Variants in CDK15 observed in about 807,000 individuals in gnomAD.
The protein encoded by CDK15 is cyclin dependent kinase 15.
A neutral mutation model predicts 60.3 loss-of-function variants in CDK15; 62 were observed. That is an observed-to-expected ratio of 1.03 (90% confidence interval 0.84 to 1.27). The LOEUF is 1.27. Among genes scored for constraint, CDK15 ranks in the 50% most tolerant of loss-of-function variants. The pLI is 0.00. For missense variants in CDK15, 541 were observed against 527.8 expected, an observed-to-expected ratio of 1.03 and a Z score of -0.25; for synonymous variants, 194 against 195.7, an observed-to-expected ratio of 0.99 and a Z score of 0.07.
In CDK15 at chr2:201,823,700, A is replaced by G; in HGVS notation, c.579A>G (p.Pro193=). The change falls in exon 6 of 14, where the codon CCA becomes CCG. Residue 193 remains proline (P), a synonymous_variant. Coordinates refer to ENST00000652192, the MANE Select transcript of CDK15 (RefSeq NM_001366386.2). ...TDLAQYMSQH[P]GGLHPHNVRL... ...TGGCCCAGTATATGTCTCAGCATCC[A>G]GGAGGGCTTCATCCTCATAATGTCA... 6.2e-7 allele frequency: 1 copy of G among 1,613,896 alleles called. No homozygotes were observed. The highest frequency in any genetic ancestry group is 8.5e-7 in the Non-Finnish European group (1 of 1,179,886).
Position 201,854,906 on chromosome 2 carries a change from G to C in CDK15, c.978G>C (p.Pro326=). 6.2e-7 allele frequency: 1 copy of C among 1,613,986 alleles called. No individual in the cohort carries two copies. The highest frequency in any genetic ancestry group is 1.1e-5 in the South Asian group (1 of 91,062). The change falls in exon 10 of 14, where the codon CCG becomes CCC. Residue 326 remains proline (P), a synonymous_variant. Transcript: ENST00000652192. ...VLGVPTEDTW[P]GVSKLPNYNP... ...GAGTCCCTACAGAGGATACTTGGCC[G>C]GGAGTCTCCAAGCTACCTAACTACA...
intron 12 of CDK15, among the ~76,000 whole-genome samples, chr2:201,881,383 G>T (rs1699273360): frequency 6.6e-6 from 1 of 152,198 alleles, no homozygotes; most frequent in African/African-American, 2.4e-5. Flanking sequence ...GCCATTAAGT[G>T]TCAAGAACAT....
chr2:201,893,721 ATTTCTGT>A lies in CDK15; in HGVS notation c.*455_*461del, dbSNP rs1244871587. The A allele has an allele frequency of 6.6e-6, 1 of 152,120 alleles. No individual in the cohort carries two copies. Among genetic ancestry groups the A allele is most frequent in the Non-Finnish European group, 1.5e-5 (1 of 68,010 alleles). 9.4% of individuals were successfully genotyped at this position (152,120 alleles called of 1,614,324 possible). A position where few individuals can be genotyped will look rare whatever the true frequency, so the allele number is the denominator to read the frequency against. ...ACTTACAATTTCTCCCAACAAAAGG[ATTTCTGT>A]GGCAAGGAGAAAACTAGCCTAAAGT... is the stretch of plus-strand genomic sequence containing the variant. On this transcript the variant is annotated 3_prime_UTR_variant, in exon 14 of 14. Transcript: ENST00000652192.
chr2:201,872,534 C>T (rs1056690517), intron 11 of CDK15, among the ~76,000 whole-genome samples: 22 of 152,014 alleles, frequency 1.4e-4, no homozygotes, highest in African/African-American at 5.1e-4. Context: ...TGAGTTTGGT[C>T]GTTAAAATTG....
At chr2:201,866,575 T>C (rs1213312634) in intron 10 of CDK15, among the ~76,000 whole-genome samples, 1 of 152,122 alleles carries the variant, frequency 6.6e-6, no homozygotes, top group Non-Finnish European at 1.5e-5. Flanking sequence ...TAGAGAGAAC[T>C]GCAGAGGGAT....
At chr2:201,818,108 C>T (rs972217665) in intron 4 of CDK15, among the ~76,000 whole-genome samples, 2 of 152,160 alleles carry the variant, frequency 1.3e-5, no homozygotes, top group Non-Finnish European at 2.9e-5. Flanking sequence ...TTACAATTGG[C>T]CTGGCTTTCA....
chr2:201,837,517 A>C (rs947368862), intron 8 of CDK15, among the ~76,000 whole-genome samples: 1 of 150,492 alleles, frequency 6.6e-6, no homozygotes, highest in Non-Finnish European at 1.5e-5. Context: ...GAAGGAAAGA[A>C]GGAAAGAATC....
chr2:201,886,601 A>G (rs1699458579), intron 12 of CDK15, among the ~76,000 whole-genome samples: 1 of 152,224 alleles, frequency 6.6e-6, no homozygotes, highest in Non-Finnish European at 1.5e-5. Context: ...CTGGGATTAC[A>G]GGCGTGAGTC....
chr2:201,881,228 G>T (rs575266738), intron 12 of CDK15, among the ~76,000 whole-genome samples: 3 of 152,146 alleles, frequency 2.0e-5, no homozygotes, highest in Non-Finnish European at 4.4e-5. Context: ...AGTCCAAAGC[G>T]CTTAGTTTGG....
intron 4 of CDK15, among the ~76,000 whole-genome samples, chr2:201,817,076 A>G (rs1167080164): frequency 6.6e-6 from 1 of 152,224 alleles, no homozygotes; most frequent in Non-Finnish European, 1.5e-5. Context: ...CTGCTGCTTC[A>G]ATAAAAGCTG....
At chr2:201,843,946 G>A (rs1283821887) in intron 8 of CDK15, among the ~76,000 whole-genome samples, 1 of 151,302 alleles carries the variant, frequency 6.6e-6, no homozygotes, top group Non-Finnish European at 1.5e-5. Flanking sequence ...CCCTACAGCT[G>A]TTAAGTATGA....
At chr2:201,840,929 A>G (rs149916513) in intron 8 of CDK15, among the ~76,000 whole-genome samples, 122 of 152,204 alleles carry the variant, frequency 8.0e-4, no homozygotes, top group African/African-American at 2.7e-3. Flanking sequence ...CATGTCTTTC[A>G]TCAGCCATTT....
intron 11 of CDK15, among the ~76,000 whole-genome samples, chr2:201,875,733 G>T (rs1699051677): frequency 6.6e-6 from 1 of 152,020 alleles, no homozygotes; most frequent in Non-Finnish European, 1.5e-5. Flanking sequence ...CCATTTTTTT[G>T]TAAAACAAAA....
At chr2:201,891,784 G>A (rs1414143254) in intron 13 of CDK15, among the ~76,000 whole-genome samples, 2 of 152,156 alleles carry the variant, frequency 1.3e-5, no homozygotes, top group Admixed American at 6.5e-5. Flanking sequence ...TCAAGGTAGA[G>A]CCCACATGCA....
intron 4 of CDK15, among the ~76,000 whole-genome samples, chr2:201,821,322 G>T (rs1324674479): frequency 3.3e-5 from 5 of 151,888 alleles, no homozygotes; most frequent in Admixed American, 3.3e-4. Context: ...GTAGAGGCCG[G>T]GTCAGTTCCA....
chr2:201,823,878 TTTTG>T, intron 6 of CDK15, 151 bp downstream of exon 6: 1 of 632,120 alleles, frequency 1.6e-6, no homozygotes, highest in South Asian at 2.3e-5. Context: ...TTGTTTTCGT[TTTTG>T]TTTTTTTTTA....
intron 11 of CDK15, among the ~76,000 whole-genome samples, chr2:201,879,406 G>A (rs1227602156): frequency 6.6e-6 from 1 of 152,166 alleles, no homozygotes; most frequent in African/African-American, 2.4e-5. Context: ...TTGAGACAGA[G>A]TCTTGTTCTG....
rs757153144 is a variant in CDK15 at position 201,872,324 on chromosome 2, C to A, written c.1056C>A (p.Asn352Lys). The A allele has an allele frequency of 1.4e-5, 22 of 1,613,738 alleles. No individual in the cohort carries two copies. The highest frequency in any genetic ancestry group is 1.9e-5 in the Non-Finnish European group (22 of 1,179,820). Reference sequence around the variant, plus strand: ...CTCGAAGCCTTCATGTTGTCTGGAACAGGTGAGTACTACCTCAGGAAGGGA... The same window carrying A: ...CTCGAAGCCTTCATGTTGTCTGGAAAAGGTGAGTACTACCTCAGGAAGGGA... ...PTPRSLHVVW[N>K]RLGRVPEAED... Residue 352 changes from asparagine (N) to lysine (K), a missense_variant and splice_region_variant, in exon 11 of 14, where the codon AAC becomes AAA. Physicochemically the swap from Asn to Lys is moderately conservative, Grantham distance 94. Coordinates refer to ENST00000652192, the MANE Select transcript of CDK15 (RefSeq NM_001366386.2).
At chr2:201,824,220 C>T (rs1328323973) in intron 6 of CDK15, among the ~76,000 whole-genome samples, 1 of 152,136 alleles carries the variant, frequency 6.6e-6, no homozygotes, top group East Asian at 1.9e-4. Context: ...AATTCTACAT[C>T]TGTTATAAAT....
Sources: gnomAD v4.1 joint callset for allele counts (sites outside exome capture counted in the v4.1 genomes callset) on GRCh38, gnomAD v4.1.1 for gene constraint, MANE v1.5 for transcripts, NCBI Gene and HGNC (gene_info 2026-07-23, HGNC 2026-07-21) for gene names.